Variants in DCAF12 observed in about 807,000 individuals in gnomAD.
DCAF12 encodes DDB1- and CUL4-associated factor 12.
A neutral mutation model predicts 52.8 loss-of-function variants in DCAF12; 28 were observed. The observed-to-expected ratio is 0.53, with a 90% CI of 0.39 to 0.73. DCAF12 has a LOEUF of 0.73. Ranked by LOEUF, DCAF12 falls within the 30% of genes least tolerant of loss-of-function variation. The probability of loss-of-function intolerance (pLI) is 0.00; values close to 1 mark genes in which losing one functional copy is unlikely to be tolerated. For synonymous variants in DCAF12, 196 were observed against 215.5 expected (o/e 0.91, Z 0.79); for missense variants, 425 against 552.2 (o/e 0.77, Z 2.31).
At chr9:34,107,609 T>C (rs757778249) in intron 2 of DCAF12, 44 bp from the exon 3 acceptor site, 2 of 1,558,444 alleles carry the variant, frequency 1.3e-6, no homozygotes, top group Non-Finnish European at 1.8e-6. Flanking sequence ...AAATTTAACG[T>C]GGCCAATACA....
At chr9:34,099,785 C>T (rs563026440) in intron 4 of DCAF12, among the ~76,000 whole-genome samples, 25 of 149,800 alleles carry the variant, frequency 1.7e-4, no homozygotes, top group African/African-American at 5.4e-4. Context: ...GTAGAGACGG[C>T]GTTTCACCAT....
intron 7 of DCAF12, among the ~76,000 whole-genome samples, chr9:34,091,120 A>C (rs773323087): frequency 6.6e-6 from 1 of 152,036 alleles, no homozygotes; most frequent in Non-Finnish European, 1.5e-5. Context: ...TGAGGTCAGG[A>C]GTTCAAAACC....
Position 34,126,498 on chromosome 9 carries a change from G to A in DCAF12, c.-67C>T. 6.4e-7 allele frequency: 1 copy of A among 1,553,368 alleles called. No individual in the cohort carries two copies. On this transcript the variant is annotated 5_prime_UTR_variant, in exon 1 of 9. Transcript: ENST00000361264. ...GGGAAGCGAAGGATAGCAGGACGGC[G>A]GGTCATATACTGGGCCCCGGGGCCG...
chr9:34,116,703 C>T (rs1469018177), intron 2 of DCAF12, among the ~76,000 whole-genome samples: 4 of 151,496 alleles, frequency 2.6e-5, no homozygotes, highest in Non-Finnish European at 5.9e-5. Flanking sequence ...TAAATCCGGC[C>T]GGGCACGGTG....
intron 3 of DCAF12, 35 bp downstream of exon 3, chr9:34,107,324 G>A: frequency 6.3e-7 from 1 of 1,598,586 alleles, no homozygotes. Flanking sequence ...TTAAAAACAA[G>A]GCTCCCTCCA....
intron 2 of DCAF12, among the ~76,000 whole-genome samples, chr9:34,121,153 C>T (rs190201231): frequency 1.3e-5 from 2 of 152,160 alleles, no homozygotes; most frequent in East Asian, 3.9e-4. Context: ...GACTCCATCT[C>T]AAAAAACAAA....
chr9:34,089,808 C>T (rs985485634), intron 7 of DCAF12: 1 of 422,084 alleles, frequency 2.4e-6, no homozygotes, highest in East Asian at 3.7e-5. Context: ...CTGACAGAAA[C>T]CATCCAAGAA....
At chr9:34,110,996 T>A (rs1306828107) in intron 2 of DCAF12, among the ~76,000 whole-genome samples, 1 of 150,366 alleles carries the variant, frequency 6.7e-6, no homozygotes, top group Non-Finnish European at 1.5e-5. Flanking sequence ...TTTTTTTTTT[T>A]TTTTTTTGAG....
At chr9:34,089,331 G>C (rs775904193) in intron 8 of DCAF12, 81 bp downstream of exon 8, 40 of 1,401,136 alleles carry the variant, frequency 2.9e-5, no homozygotes, top group Non-Finnish European at 3.9e-5. Context: ...AGTAGATGGT[G>C]TGTCAGTGGG....
intron 2 of DCAF12, among the ~76,000 whole-genome samples, chr9:34,108,816 T>A (rs997408729): frequency 2.1e-4 from 31 of 145,494 alleles, no homozygotes; most frequent in East Asian, 1.6e-3. Context: ...TAAATAAATA[T>A]ATATATATAT....
At chr9:34,100,462 T>G (rs1354760151) in intron 4 of DCAF12, among the ~76,000 whole-genome samples, 2 of 151,428 alleles carry the variant, frequency 1.3e-5, no homozygotes, top group Non-Finnish European at 2.9e-5. Flanking sequence ...CCTCCCAAAG[T>G]GCTGGGATTA....
At chr9:34,117,633 T>G (rs888926882) in intron 2 of DCAF12, among the ~76,000 whole-genome samples, 8 of 152,018 alleles carry the variant, frequency 5.3e-5, no homozygotes, top group African/African-American at 1.9e-4. Flanking sequence ...AAGAAATTCT[T>G]GCTGGGTGCA....
At chr9:34,120,208 A>G (rs1829150258) in intron 2 of DCAF12, among the ~76,000 whole-genome samples, 2 of 142,692 alleles carry the variant, frequency 1.4e-5, no homozygotes, top group East Asian at 2.0e-4. Context: ...CGTCTCAAAA[A>G]AAAAAAAAAA....
intron 2 of DCAF12, among the ~76,000 whole-genome samples, chr9:34,121,959 A>C (rs1023888364): frequency 6.6e-6 from 1 of 152,136 alleles, no homozygotes; most frequent in Non-Finnish European, 1.5e-5. Flanking sequence ...CCAAAAAAGC[A>C]AACAAACAAA....
At chr9:34,091,254 G>A (rs532955881) in intron 7 of DCAF12, among the ~76,000 whole-genome samples, 1 of 151,946 alleles carries the variant, frequency 6.6e-6, no homozygotes, top group African/African-American at 2.4e-5. Context: ...TTGAACCTGG[G>A]AGGCAGAGGG....
At chr9:34,118,902 T>C (rs1256597432) in intron 2 of DCAF12, among the ~76,000 whole-genome samples, 1 of 152,118 alleles carries the variant, frequency 6.6e-6, no homozygotes, top group African/African-American at 2.4e-5. Flanking sequence ...GAGGCGGAGA[T>C]TGCAGTGAGC....
intron 6 of DCAF12, among the ~76,000 whole-genome samples, chr9:34,094,668 C>T (rs1828704756): frequency 6.6e-6 from 1 of 151,564 alleles, no homozygotes; most frequent in Non-Finnish European, 1.5e-5. Context: ...GTAGCTGGGA[C>T]TACAAGCGCC....
chr9:34,089,427 A>G lies in DCAF12; in HGVS notation c.1188T>C (p.Thr396=), dbSNP rs1303419902. ...GCTTACGCACCAGCCAGCCTTTGCC[A>G]GTGGTTAGTTTCAGATTCTCCCCTG... ...RLAGENLKLT[T]GKGWLNHDET... The change falls in exon 8 of 9, where the codon ACT becomes ACC. Residue 396 remains threonine, a synonymous_variant. Coordinates refer to ENST00000361264, the MANE Select transcript of DCAF12 (RefSeq NM_015397.4). 17 of 1,613,176 alleles carry G rather than the reference A, an allele frequency of 1.1e-5. No homozygotes were observed. Among genetic ancestry groups the G allele is most frequent in the Non-Finnish European group, 1.4e-5 (17 of 1,179,572 alleles).
chr9:34,119,884 T>C (rs1190060154), intron 2 of DCAF12, among the ~76,000 whole-genome samples: 2 of 151,868 alleles, frequency 1.3e-5, no homozygotes, highest in African/African-American at 4.8e-5. Context: ...AAATATTTTG[T>C]AGAGATGGGG....
Sources: gnomAD v4.1 joint callset for allele counts (sites outside exome capture counted in the v4.1 genomes callset) on GRCh38, gnomAD v4.1.1 for gene constraint, MANE v1.5 for transcripts, NCBI Gene and HGNC (gene_info 2026-07-23, HGNC 2026-07-21) for gene names.